Variants in KIF26B observed in about 807,000 individuals in gnomAD.
The protein encoded by KIF26B is kinesin-like protein KIF26B.
In KIF26B, 63 loss-of-function variants were observed where a neutral mutation model predicts 151.2. That is an observed-to-expected ratio of 0.42 (90% CI 0.34 to 0.51). The LOEUF is 0.51. KIF26B is among the 20% of genes least tolerant of loss of function. The pLI is 0.07. For synonymous variants in KIF26B, 1,357 were observed against 1,262.1 expected, an observed-to-expected ratio of 1.08 and a Z score of -1.59; for missense variants, 2,813 against 2,913.6, an observed-to-expected ratio of 0.97 and a Z score of 0.79.
chr1:245,641,240 GCT>G (rs1425977314), intron 9 of KIF26B, among the ~76,000 whole-genome samples: 4 of 151,788 alleles, frequency 2.6e-5, no homozygotes, highest in Admixed American at 6.6e-5. Flanking sequence ...CTTTTTTCTT[GCT>G]CTCTCACTGT....
At chr1:245,184,453 T>G (rs1668967494) in intron 2 of KIF26B, among the ~76,000 whole-genome samples, 1 of 152,166 alleles carries the variant, frequency 6.6e-6, no homozygotes, top group Non-Finnish European at 1.5e-5. Context: ...TGCGTCGTCA[T>G]CTGTGCACAC....
intron 3 of KIF26B, among the ~76,000 whole-genome samples, chr1:245,397,338 C>G (rs771105232): frequency 2.6e-5 from 4 of 152,104 alleles, no homozygotes; most frequent in Non-Finnish European, 5.9e-5. Context: ...GCCTCAGCCT[C>G]CCAAGTAGCT....
intron 2 of KIF26B, among the ~76,000 whole-genome samples, chr1:245,189,397 C>T (rs1669055663): frequency 6.6e-6 from 1 of 152,106 alleles, no homozygotes; most frequent in African/African-American, 2.4e-5. Context: ...CCAAACACAC[C>T]TTGTTAACAT....
chr1:245,442,716 C>T (rs55933939), intron 4 of KIF26B, among the ~76,000 whole-genome samples: 8,739 of 132,224 alleles, frequency 0.066, 102 homozygotes, highest in African/African-American at 0.12. Context: ...TCATCTCCCT[C>T]ACTGTTCACC....
intron 5 of KIF26B, among the ~76,000 whole-genome samples, chr1:245,585,987 AT>A (rs2043219717): frequency 6.6e-6 from 1 of 151,996 alleles, no homozygotes; most frequent in African/African-American, 2.4e-5. Context: ...CTTAGAATAC[AT>A]TTTTTTAGTT....
At chr1:245,355,510 C>A (rs1461610118) in intron 2 of KIF26B, among the ~76,000 whole-genome samples, 2 of 150,540 alleles carry the variant, frequency 1.3e-5, no homozygotes, top group African/African-American at 4.9e-5. Flanking sequence ...GTGGGAGGAC[C>A]ATTTGAGCCC....
chr1:245,562,035 G>A (rs1055637897), intron 5 of KIF26B, among the ~76,000 whole-genome samples: 1 of 152,092 alleles, frequency 6.6e-6, no homozygotes, highest in East Asian at 1.9e-4. Context: ...TTCATACCCA[G>A]ATGACCTGGG....
intron 9 of KIF26B, among the ~76,000 whole-genome samples, chr1:245,638,980 T>C (rs999763281): frequency 6.6e-6 from 1 of 151,836 alleles, no homozygotes; most frequent in Non-Finnish European, 1.5e-5. Context: ...AAGGTCAGGG[T>C]GGCCTTGTAG....
chr1:245,515,253 A>G (rs931783689), intron 4 of KIF26B, among the ~76,000 whole-genome samples: 2 of 151,760 alleles, frequency 1.3e-5, no homozygotes, highest in Non-Finnish European at 1.5e-5. Flanking sequence ...CTCTCCTTCT[A>G]TGAGACTCCC....
intron 2 of KIF26B, among the ~76,000 whole-genome samples, chr1:245,269,467 T>G (rs981164168): frequency 1.3e-5 from 2 of 151,874 alleles, no homozygotes. Flanking sequence ...TTCCTTTTTT[T>G]GTTTTTTGTT....
At chr1:245,394,003 C>A (rs59100811) in intron 3 of KIF26B, among the ~76,000 whole-genome samples, 35,843 of 152,128 alleles carry the variant, frequency 0.24, 6,556 homozygotes, top group African/African-American at 0.51. Flanking sequence ...CTTAGCTCCA[C>A]CGTTGTCCTC....
At chr1:245,280,607 T>TG (rs1456864466) in intron 2 of KIF26B, among the ~76,000 whole-genome samples, 1 of 146,760 alleles carries the variant, frequency 6.8e-6, no homozygotes, top group African/African-American at 2.5e-5. Flanking sequence ...GTTTTTTTTT[T>TG]TTTTTTTTTT....
chr1:245,272,388 C>T (rs1441101370), intron 2 of KIF26B, among the ~76,000 whole-genome samples: 4 of 151,806 alleles, frequency 2.6e-5, no homozygotes, highest in Non-Finnish European at 5.9e-5. Flanking sequence ...TAGCAAGACC[C>T]GCCCCCTTCA....
chr1:245,287,332 C>T (rs1052658478), intron 2 of KIF26B, among the ~76,000 whole-genome samples: 12 of 151,926 alleles, frequency 7.9e-5, no homozygotes, highest in African/African-American at 2.9e-4. Flanking sequence ...CATTAAAAAG[C>T]AGAATTTGAG....
chr1:245,213,464 C>T (rs1008090280), intron 2 of KIF26B, among the ~76,000 whole-genome samples: 3 of 152,228 alleles, frequency 2.0e-5, no homozygotes, highest in African/African-American at 7.2e-5. Context: ...AAACCCTTAA[C>T]TCCCAGAGAT....
intron 9 of KIF26B, among the ~76,000 whole-genome samples, chr1:245,636,159 C>A (rs1035026987): frequency 2.0e-5 from 3 of 152,010 alleles, no homozygotes; most frequent in Non-Finnish European, 4.4e-5. Flanking sequence ...AAATTTATAT[C>A]CTTATGGTTT....
At position 245,704,807 on chromosome 1, in the gene KIF26B, C is replaced by G. The variant is rs182100271; in HGVS notation, c.*2201C>G. ...CTTCTGGACCCAAAGGGAAGCCAAT[C>G]CTTCGAGTTTGCCATTGGGCTGCTG... On this transcript the variant is annotated 3_prime_UTR_variant, in exon 15 of 15. Transcript: ENST00000407071. 1 of 152,222 alleles carries G rather than the reference C, an allele frequency of 6.6e-6. No homozygotes were observed. Among genetic ancestry groups the G allele is most frequent in the African/African-American group, 2.4e-5 (1 of 41,450 alleles). The allele number at this position is 152,222 out of a possible 1,614,324, so 9.4% of individuals were successfully genotyped here.
chr1:245,491,693 A>G (rs1278392809), intron 4 of KIF26B, among the ~76,000 whole-genome samples: 1 of 152,178 alleles, frequency 6.6e-6, no homozygotes, highest in Non-Finnish European at 1.5e-5. Context: ...GGATCAACTG[A>G]GGTCAGGAGC....
chr1:245,163,441 C>T (rs1412297238), intron 2 of KIF26B, among the ~76,000 whole-genome samples: 2 of 152,188 alleles, frequency 1.3e-5, no homozygotes, highest in African/African-American at 2.4e-5. Flanking sequence ...TGCGCTTGGC[C>T]CACACTATTT....
Sources: gnomAD v4.1 joint callset for allele counts (sites outside exome capture counted in the v4.1 genomes callset) on GRCh38, gnomAD v4.1.1 for gene constraint, MANE v1.5 for transcripts, NCBI Gene and HGNC (gene_info 2026-07-23, HGNC 2026-07-21) for gene names.